The following PTPN14 variants were observed in gnomAD, a reference collection of about 807,000 sequenced individuals.
PTPN14 encodes protein tyrosine phosphatase non-receptor type 14.
A neutral mutation model predicts 126.8 loss-of-function variants in PTPN14; 53 were observed. The observed-to-expected ratio is 0.42, with a 90% CI of 0.34 to 0.53. PTPN14 has a LOEUF of 0.53. Among genes scored for constraint, PTPN14 ranks in the 20% least tolerant of loss-of-function variants. PTPN14 has a pLI of 0.08. For missense variants in PTPN14, 1,257 were observed against 1,552.9 expected, an observed-to-expected ratio of 0.81 and a Z score of 3.20; for synonymous variants, 630 against 599.3, an observed-to-expected ratio of 1.05 and a Z score of -0.75.
At chr1:214,456,282 C>T (rs374422465) in intron 2 of PTPN14, among the ~76,000 whole-genome samples, 2 of 152,150 alleles carry the variant, frequency 1.3e-5, no homozygotes, top group Admixed American at 6.5e-5. Context: ...AATATTTCAG[C>T]TGTAAATTAA....
chr1:214,490,519 T>C (rs940114994), intron 1 of PTPN14, among the ~76,000 whole-genome samples: 11 of 152,070 alleles, frequency 7.2e-5, no homozygotes, highest in Non-Finnish European at 1.0e-4. Flanking sequence ...CTGTGGAAGA[T>C]GTTAGAATTC....
chr1:214,377,877 T>C (rs1658378569), intron 14 of PTPN14, 82 bp downstream of exon 14: 3 of 1,486,656 alleles, frequency 2.0e-6, no homozygotes, highest in South Asian at 2.6e-5. Context: ...CAAATCTCAA[T>C]GCTGGCATAT....
chr1:214,505,324 G>A (rs1296001774), intron 1 of PTPN14, among the ~76,000 whole-genome samples: 1 of 152,150 alleles, frequency 6.6e-6, no homozygotes, highest in Non-Finnish European at 1.5e-5. Context: ...GAAACATCTC[G>A]AGCAGGGGAC....
At position 214,378,037 on chromosome 1, in the gene PTPN14, C is replaced by T. The variant is rs757127651; in HGVS notation, c.2610G>A (p.Leu870=). 1 of 1,613,050 alleles carries T rather than the reference C, an allele frequency of 6.2e-7. No individual in the cohort carries two copies. Among genetic ancestry groups the T allele is most frequent in the African/African-American group, 1.3e-5 (1 of 75,012 alleles). ...AGACTCGAGCCACCGAGAGCCCATT[C>T]AATGCTGCCAACATCAGCGGCCTCT... ...AQKRPLMLAA[L]NGLSVARVSG... Residue 870 remains leucine (L), a synonymous_variant, in exon 14 of 19, where the codon TTG becomes TTA. Transcript: ENST00000366956.
chr1:214,467,912 T>C (rs1284335824), intron 1 of PTPN14, among the ~76,000 whole-genome samples: 1 of 152,110 alleles, frequency 6.6e-6, no homozygotes, highest in Non-Finnish European at 1.5e-5. Context: ...CTGGTCCTTT[T>C]AAAAGTCAAT....
intron 1 of PTPN14, among the ~76,000 whole-genome samples, chr1:214,514,638 G>A (rs1655056068): frequency 6.6e-6 from 1 of 152,040 alleles, no homozygotes; most frequent in Admixed American, 6.6e-5. Context: ...GCAGGCGGGC[G>A]GGGCTGACTC....
At chr1:214,498,467 C>T (rs1406083247) in intron 1 of PTPN14, among the ~76,000 whole-genome samples, 1 of 151,852 alleles carries the variant, frequency 6.6e-6, no homozygotes, top group African/African-American at 2.4e-5. Context: ...CTCAGATTAC[C>T]TTATTATCCA....
At position 214,367,118 on chromosome 1, in the gene PTPN14, A is replaced by G. The variant is rs1366944147; in HGVS notation, c.3271+2339T>C. Reference sequence around the variant, plus strand: ...TCATCAGAGCTGTTAGCCAATCAACAAACTGATCTATTTATATTATTTCCC... The same window carrying G: ...TCATCAGAGCTGTTAGCCAATCAACGAACTGATCTATTTATATTATTTCCC... On this transcript the variant is annotated intron_variant, in intron 17 of 18. Coordinates refer to ENST00000366956, the MANE Select transcript of PTPN14 (RefSeq NM_005401.5). Among the ~76,000 whole-genome samples the G allele has an allele frequency of 2.0e-5, 3 of 152,212 alleles. No homozygotes were observed. In the South Asian group the frequency reaches 6.2e-4, roughly 32 times the overall value.
Position 214,407,296 on chromosome 1 carries a change from G to A in PTPN14, c.511-4343C>T, listed in dbSNP as rs191153886. On this transcript the variant is annotated intron_variant, in intron 5 of 18. Transcript: ENST00000366956. Reference sequence around the variant, plus strand: ...TCCCAGCACTTTGGGAGGCTGAGGCGGGTGGATCACCTGAGGTTAGGAGTT... The same window carrying A: ...TCCCAGCACTTTGGGAGGCTGAGGCAGGTGGATCACCTGAGGTTAGGAGTT... Among the ~76,000 whole-genome samples the A allele has an allele frequency of 5.3e-3, 807 of 152,182 alleles. 5 individuals carry two copies. The highest frequency in any genetic ancestry group is 0.018 in the African/African-American group (758 of 41,518).
At chr1:214,498,317 C>T (rs1226190618) in intron 1 of PTPN14, among the ~76,000 whole-genome samples, 1 of 152,144 alleles carries the variant, frequency 6.6e-6, no homozygotes, top group Non-Finnish European at 1.5e-5. Flanking sequence ...AAAAGCATAT[C>T]ACTGAGTACA....
intron 7 of PTPN14, 24 bp from the exon 8 acceptor site, chr1:214,398,025 C>G: frequency 6.5e-7 from 1 of 1,544,212 alleles, no homozygotes; most frequent in South Asian, 1.1e-5. Flanking sequence ...ACAAAAGATA[C>G]TTGTGATGAC....
At chr1:214,515,796 A>T (rs989426654) in intron 1 of PTPN14, among the ~76,000 whole-genome samples, 1 of 147,282 alleles carries the variant, frequency 6.8e-6, no homozygotes, top group African/African-American at 2.5e-5. Flanking sequence ...GAAGAAAAGA[A>T]AAAAAAAACT....
intron 1 of PTPN14, among the ~76,000 whole-genome samples, chr1:214,526,229 G>C (rs1461645284): frequency 6.6e-6 from 1 of 152,158 alleles, no homozygotes; most frequent in South Asian, 2.1e-4. Flanking sequence ...ACCTCCCAAA[G>C]TGCTGGGATT....
At chr1:214,371,286 GCTA>G (rs1042498175) in intron 16 of PTPN14, among the ~76,000 whole-genome samples, 6 of 152,060 alleles carry the variant, frequency 3.9e-5, no homozygotes, top group Non-Finnish European at 7.3e-5. Flanking sequence ...TTGAATTTAT[GCTA>G]CTATTAATAA....
At chr1:214,481,379 C>T (rs1029084198) in intron 1 of PTPN14, among the ~76,000 whole-genome samples, 2 of 151,794 alleles carry the variant, frequency 1.3e-5, no homozygotes, top group Admixed American at 6.6e-5. Context: ...GGCGTGGTGG[C>T]ATGCGCCTGT....
intron 3 of PTPN14, among the ~76,000 whole-genome samples, chr1:214,431,494 T>C (rs1458416223): frequency 2.0e-5 from 3 of 152,198 alleles, no homozygotes; most frequent in Admixed American, 2.0e-4. Flanking sequence ...AAAGAGTGAA[T>C]GGCAGAGCAG....
chr1:214,492,642 T>C lies in PTPN14; in HGVS notation c.-154-27685A>G, dbSNP rs373714098. The stretch of plus-strand genomic sequence containing the variant: ...TGTGTTGTCGGCCGGGCATGGTGGC[T>C]CAGACCTGTAATCCAAGCCCTTTGG... On this transcript the variant is annotated intron_variant, in intron 1 of 18. Coordinates refer to ENST00000366956, the MANE Select transcript of PTPN14 (RefSeq NM_005401.5). Among the ~76,000 whole-genome samples the C allele has an allele frequency of 2.2e-4, 33 of 152,312 alleles. 1 individual carries two copies. The South Asian group carries it at 6.0e-3, about 28-fold the overall frequency.
chr1:214,413,706 T>C (rs895521798), intron 4 of PTPN14, among the ~76,000 whole-genome samples: 1 of 152,234 alleles, frequency 6.6e-6, no homozygotes. Flanking sequence ...TCTAGCTTTG[T>C]CACCCAGGCT....
intron 1 of PTPN14, among the ~76,000 whole-genome samples, chr1:214,507,603 T>G (rs1359823894): frequency 6.6e-6 from 1 of 152,194 alleles, no homozygotes; most frequent in Non-Finnish European, 1.5e-5. Flanking sequence ...ACATGACCAC[T>G]GTTTGCACCA....
Sources: allele counts gnomAD v4.1 joint callset (sites outside exome capture counted in the v4.1 genomes callset), GRCh38; gene constraint gnomAD v4.1.1; transcripts MANE v1.5; gene names NCBI Gene and HGNC (gene_info 2026-07-23, HGNC 2026-07-21).